STK32B: variants seen among roughly 807,000 people sequenced by gnomAD.
STK32B encodes serine/threonine-protein kinase 32B.
Under a neutral mutation model 52.6 loss-of-function variants are expected in STK32B, and 43 were observed. The ratio of observed to expected loss-of-function variants is 0.82; its 90% CI spans 0.64 to 1.05. The LOEUF (loss-of-function observed/expected upper bound fraction) is 1.05, where lower values mean the gene tolerates loss of function less well. Ranked by LOEUF, STK32B falls within the 50% of genes least tolerant of loss-of-function variation. The pLI, the probability that STK32B is intolerant of heterozygous loss-of-function variation, is 0.00. For missense variants in STK32B, 621 were observed against 534.6 expected (o/e 1.16, Z -1.59); for synonymous variants, 238 against 204.3 (o/e 1.17, Z -1.41).
chr4:5,260,443 G>T (rs567130170), intron 3 of STK32B, among the ~76,000 whole-genome samples: 23 of 152,220 alleles, frequency 1.5e-4, no homozygotes, highest in Middle Eastern at 3.4e-3. Flanking sequence ...ATCAGTGCTC[G>T]CAGAGACACA....
intron 11 of STK32B, among the ~76,000 whole-genome samples, chr4:5,482,154 G>T (rs1160882149): frequency 6.6e-6 from 1 of 152,288 alleles, no homozygotes; most frequent in South Asian, 2.1e-4. Context: ...GGATGGCATT[G>T]AATCTATAAA....
At chr4:5,078,238 A>C (rs1041674589) in intron 1 of STK32B, among the ~76,000 whole-genome samples, 2 of 152,168 alleles carry the variant, frequency 1.3e-5, no homozygotes, top group South Asian at 2.1e-4. Context: ...CACACCCTGG[A>C]CCAATCACTG....
intron 3 of STK32B, among the ~76,000 whole-genome samples, chr4:5,174,243 G>C (rs1316500676): frequency 6.6e-6 from 1 of 151,838 alleles, no homozygotes; most frequent in Non-Finnish European, 1.5e-5. Flanking sequence ...GATGGGTCTT[G>C]ACTCTTTATC....
At chr4:5,073,581 C>T (rs1048757992) in intron 1 of STK32B, among the ~76,000 whole-genome samples, 1 of 151,942 alleles carries the variant, frequency 6.6e-6, no homozygotes, top group African/African-American at 2.4e-5. Flanking sequence ...CTCTTAATTA[C>T]TTCCTATGGA....
At chr4:5,377,751 G>C (rs1276011664) in intron 4 of STK32B, among the ~76,000 whole-genome samples, 1 of 152,102 alleles carries the variant, frequency 6.6e-6, no homozygotes, top group African/African-American at 2.4e-5. Context: ...CTTTGCTCTT[G>C]CTCACTCTCT....
chr4:5,265,839 A>T (rs1727022652), intron 3 of STK32B, among the ~76,000 whole-genome samples: 1 of 152,024 alleles, frequency 6.6e-6, no homozygotes, highest in South Asian at 2.1e-4. Context: ...TTTCCTTGTC[A>T]TAGCATTGTG....
chr4:5,048,324 G>A (rs147563649), upstream of STK32B, among the ~76,000 whole-genome samples: 456 of 141,656 alleles, frequency 3.2e-3, 3 homozygotes, highest in African/African-American at 0.012. Context: ...TTTTGAGATG[G>A]AGTCTCACTG....
At position 5,168,391 on chromosome 4, in the gene STK32B, T is replaced by C. The variant is rs1203474735; in HGVS notation, c.201T>C (p.Asn67=). ...GCATCGAGAGGGATGAGGTTCGGAATGTTTTCCGGGAGCTGCAGATCATGC... is the reference window on the plus strand; with the variant it reads ...GCATCGAGAGGGATGAGGTTCGGAACGTTTTCCGGGAGCTGCAGATCATGC... ...QKCIERDEVR[N]VFRELQIMQG... The change falls in exon 3 of 12, where the codon AAT becomes AAC. Residue 67 remains asparagine, a synonymous_variant. Transcript: ENST00000282908. 6.2e-7 allele frequency: 1 copy of C among 1,613,866 alleles called. No individual in the cohort carries two copies. The highest frequency in any genetic ancestry group is 8.5e-7 in the Non-Finnish European group (1 of 1,179,978).
intron 4 of STK32B, among the ~76,000 whole-genome samples, chr4:5,392,557 C>T (rs1213631528): frequency 6.6e-6 from 1 of 151,856 alleles, no homozygotes; most frequent in African/African-American, 2.4e-5. Context: ...TTCATTTCCC[C>T]ACCCACAGAG....
chr4:5,255,014 T>G (rs1726202046), intron 3 of STK32B, among the ~76,000 whole-genome samples: 1 of 149,308 alleles, frequency 6.7e-6, no homozygotes, highest in East Asian at 2.0e-4. Context: ...GGCCTTTAAC[T>G]AGATATTGGG....
chr4:5,184,695 A>AAAAAAAAAAAAAAGAAG (rs58321341), intron 3 of STK32B, among the ~76,000 whole-genome samples: 21 of 137,572 alleles, frequency 1.5e-4, no homozygotes, highest in South Asian at 2.3e-4. Flanking sequence ...AAAAAAAAAA[A>AAAAAAAAAAAAAAGAAG]AAGAAGAAGA....
chr4:5,361,119 T>G (rs1450034590), intron 4 of STK32B, among the ~76,000 whole-genome samples: 4 of 152,218 alleles, frequency 2.6e-5, no homozygotes, highest in Non-Finnish European at 4.4e-5. Context: ...ACATAATATC[T>G]GCAAGGTTCA....
At chr4:5,159,652 AATAT>A (rs1189531794) in intron 2 of STK32B, among the ~76,000 whole-genome samples, 1 of 86,658 alleles carries the variant, frequency 1.2e-5, no homozygotes, top group African/African-American at 7.0e-5. Flanking sequence ...AATGTATATG[AATAT>A]ATATATGAAT....
At chr4:5,049,629 C>T (rs933119365), upstream of STK32B, among the ~76,000 whole-genome samples, 2 of 152,180 alleles carry the variant, frequency 1.3e-5, no homozygotes, top group Admixed American at 6.5e-5. Context: ...AAGGCAGGAA[C>T]AGGCCATTTT....
At chr4:5,309,885 G>A (rs772762768) in intron 3 of STK32B, among the ~76,000 whole-genome samples, 1 of 152,162 alleles carries the variant, frequency 6.6e-6, no homozygotes, top group Non-Finnish European at 1.5e-5. Context: ...GAAAAATGGG[G>A]CTGGGTGTGG....
chr4:5,310,021 C>A (rs1156754439), intron 3 of STK32B, among the ~76,000 whole-genome samples: 2 of 151,994 alleles, frequency 1.3e-5, no homozygotes, highest in South Asian at 2.1e-4. Context: ...CAAAAATTAG[C>A]CGGGCGTGGT....
At chr4:5,106,038 C>T (rs930211895) in intron 1 of STK32B, among the ~76,000 whole-genome samples, 5 of 151,610 alleles carry the variant, frequency 3.3e-5, no homozygotes, top group African/African-American at 1.2e-4. Context: ...TGTGGTGGCT[C>T]ATTCCTTTAA....
intron 3 of STK32B, among the ~76,000 whole-genome samples, chr4:5,320,514 G>A (rs1344709735): frequency 1.3e-5 from 2 of 152,108 alleles, no homozygotes; most frequent in Non-Finnish European, 2.9e-5. Flanking sequence ...TATATTTACA[G>A]CCTTGAAACT....
At chr4:5,246,395 A>C (rs1164973518) in intron 3 of STK32B, among the ~76,000 whole-genome samples, 4 of 152,140 alleles carry the variant, frequency 2.6e-5, no homozygotes, top group Non-Finnish European at 5.9e-5. Flanking sequence ...TTTGTCACGT[A>C]GTTCTTGTGC....
Sources: allele counts gnomAD v4.1 joint callset (sites outside exome capture counted in the v4.1 genomes callset), GRCh38; gene constraint gnomAD v4.1.1; transcripts MANE v1.5; gene names NCBI Gene and HGNC (gene_info 2026-07-23, HGNC 2026-07-21).